The following ASCC3 variants were observed in gnomAD, a reference collection of about 807,000 sequenced individuals.
The protein encoded by ASCC3 is ASC-1 complex subunit P200.
A neutral mutation model predicts 256.3 loss-of-function variants in ASCC3; 158 were observed. That is an observed-to-expected ratio of 0.62 (90% CI 0.54 to 0.70). ASCC3 has a LOEUF of 0.70. ASCC3 is among the 30% of genes least tolerant of loss of function. ASCC3 has a pLI of 0.00. For missense variants in ASCC3, 2,259 were observed against 2,626.0 expected (o/e 0.86, Z 3.05); for synonymous variants, 948 against 883.4 (o/e 1.07, Z -1.30).
rs368907931 is a variant in ASCC3, at chr6:100,742,570, G to A, written c.1738-16867C>T. Among the ~76,000 whole-genome samples, 7 of 152,336 alleles carry A rather than the reference G, an allele frequency of 4.6e-5. No individual in the cohort carries two copies. The East Asian group carries it at 1.4e-3, about 29-fold the overall frequency. On this transcript the variant is annotated intron_variant, in intron 10 of 41. Transcript: ENST00000369162. Reference sequence around the variant, plus strand: ...CTGTCTGTATAACACTGGCTGGAGTGGCTGAAGCCCCCACAGGGAGGTACT... The same window carrying A: ...CTGTCTGTATAACACTGGCTGGAGTAGCTGAAGCCCCCACAGGGAGGTACT...
At chr6:100,737,888 T>C (rs149965894) in intron 10 of ASCC3, among the ~76,000 whole-genome samples, 153 of 152,308 alleles carry the variant, frequency 1.0e-3, no homozygotes, top group Middle Eastern at 3.4e-3. Context: ...CCAGCATCTG[T>C]TGTTTACTGA....
chr6:100,536,254 G>A (rs971825520), intron 37 of ASCC3, among the ~76,000 whole-genome samples: 1 of 152,112 alleles, frequency 6.6e-6, no homozygotes, highest in Non-Finnish European at 1.5e-5. Flanking sequence ...AGAAAGAGGA[G>A]TTATTAATAA....
chr6:100,792,678 T>C (rs1045556824), intron 8 of ASCC3, among the ~76,000 whole-genome samples: 6 of 151,994 alleles, frequency 3.9e-5, no homozygotes, highest in Non-Finnish European at 5.9e-5. Context: ...TAATACTTTA[T>C]TTAAGGTTCT....
At chr6:100,861,355 C>T (rs555157785) in intron 3 of ASCC3, among the ~76,000 whole-genome samples, 18 of 152,176 alleles carry the variant, frequency 1.2e-4, no homozygotes, top group South Asian at 4.1e-4. Context: ...TTAAACAATA[C>T]GCATAGCCTT....
At chr6:100,723,860 T>TTATATATATATATATA (rs58924032) in intron 11 of ASCC3, among the ~76,000 whole-genome samples, 6 of 110,230 alleles carry the variant, frequency 5.4e-5, no homozygotes, top group African/African-American at 9.8e-5. Flanking sequence ...TATTAGGGAA[T>TTATATATATATATATA]TATATATATA....
At chr6:100,595,627 G>A (rs1174995799) in intron 34 of ASCC3, among the ~76,000 whole-genome samples, 1 of 152,190 alleles carries the variant, frequency 6.6e-6, no homozygotes, top group Non-Finnish European at 1.5e-5. Flanking sequence ...GAAAAGAGAA[G>A]TGGACAGGGA....
intron 30 of ASCC3, among the ~76,000 whole-genome samples, chr6:100,607,944 T>C (rs980103527): frequency 4.7e-5 from 7 of 148,252 alleles, no homozygotes; most frequent in African/African-American, 1.7e-4. Flanking sequence ...TGATAGCCTT[T>C]TTTTTTCTAA....
In ASCC3 at chr6:100,627,641, C is replaced by T. The variant is rs1774308074; in HGVS notation, c.4591G>A (p.Gly1531Ser). ...GCCATACGAGGACAGTAATGTTGAC[C>T]TGGAAAGCCTTGAATGTGAACTTCC... ...PLEVHIQGFP[G>S]QHYCPRMASM... is the part of the protein sequence containing the mutation. Residue 1531 changes from glycine to serine, a missense_variant, in exon 29 of 42, where the codon GGT becomes AGT. Physicochemically the swap from Gly to Ser is moderately conservative, Grantham distance 56. Transcript: ENST00000369162. 3 of 1,613,476 alleles carry T rather than the reference C, an allele frequency of 1.9e-6. No homozygotes were observed. The highest frequency in any genetic ancestry group is 1.7e-6 in the Non-Finnish European group (2 of 1,179,754).
intron 37 of ASCC3, among the ~76,000 whole-genome samples, chr6:100,533,772 A>G (rs749533368): frequency 4.6e-5 from 7 of 152,226 alleles, no homozygotes; most frequent in Non-Finnish European, 1.0e-4. Context: ...TTCTTATACT[A>G]TTTGGCTTAG....
At chr6:100,727,325 C>T (rs977366401) in intron 10 of ASCC3, among the ~76,000 whole-genome samples, 3 of 151,988 alleles carry the variant, frequency 2.0e-5, no homozygotes, top group Admixed American at 6.6e-5. Flanking sequence ...AAGAACGTCA[C>T]GCCCAAATCC....
chr6:100,845,883 T>C (rs1052416924), intron 4 of ASCC3, among the ~76,000 whole-genome samples: 2 of 152,168 alleles, frequency 1.3e-5, no homozygotes, highest in South Asian at 4.1e-4. Flanking sequence ...AAACCACAGG[T>C]TGAGAAGAAT....
At chr6:100,684,344 A>G (rs1167658944) in intron 13 of ASCC3, among the ~76,000 whole-genome samples, 2 of 152,222 alleles carry the variant, frequency 1.3e-5, no homozygotes, top group Non-Finnish European at 2.9e-5. Context: ...TGGTGGCTCT[A>G]AAATTTTAGA....
intron 10 of ASCC3, among the ~76,000 whole-genome samples, chr6:100,733,094 G>A (rs923097013): frequency 5.3e-5 from 8 of 152,148 alleles, no homozygotes; most frequent in Admixed American, 1.3e-4. Context: ...TACATAATAT[G>A]TGATTATATA....
intron 34 of ASCC3, among the ~76,000 whole-genome samples, chr6:100,591,981 T>C (rs1772019855): frequency 6.6e-6 from 1 of 151,958 alleles, no homozygotes; most frequent in Non-Finnish European, 1.5e-5. Context: ...TTGCTTTATT[T>C]TGTTTACTGT....
chr6:100,745,457 A>C (rs897616664), intron 10 of ASCC3, among the ~76,000 whole-genome samples: 13 of 151,242 alleles, frequency 8.6e-5, no homozygotes, highest in Non-Finnish European at 1.3e-4. Flanking sequence ...ACAGCACTCC[A>C]GCCTGGGTGA....
intron 4 of ASCC3, among the ~76,000 whole-genome samples, chr6:100,847,679 G>A (rs1450483548): frequency 6.6e-6 from 1 of 151,832 alleles, no homozygotes; most frequent in Non-Finnish European, 1.5e-5. Flanking sequence ...CTTGATATTG[G>A]TGTCTCCTTG....
At chr6:100,821,622 G>A (rs1466399252) in intron 4 of ASCC3, among the ~76,000 whole-genome samples, 3 of 151,950 alleles carry the variant, frequency 2.0e-5, no homozygotes, top group Admixed American at 6.6e-5. Context: ...TCAGGAGTTC[G>A]AGGCCAGCCT....
At chr6:100,725,071 A>G (rs776048124) in intron 11 of ASCC3, among the ~76,000 whole-genome samples, 23 of 152,024 alleles carry the variant, frequency 1.5e-4, no homozygotes, top group Non-Finnish European at 3.2e-4. Context: ...TATTAAGAAG[A>G]TAAGTGATTA....
At chr6:100,831,620 T>C (rs1003298627) in intron 4 of ASCC3, among the ~76,000 whole-genome samples, 4 of 152,140 alleles carry the variant, frequency 2.6e-5, no homozygotes. Flanking sequence ...ATCAAAATGA[T>C]TCCTGGGGCC....
Sources: allele counts gnomAD v4.1 joint callset (sites outside exome capture counted in the v4.1 genomes callset), GRCh38; gene constraint gnomAD v4.1.1; transcripts MANE v1.5; gene names NCBI Gene and HGNC (gene_info 2026-07-23, HGNC 2026-07-21).